RHBDD1: variants seen among roughly 807,000 people sequenced by gnomAD.
RHBDD1 encodes rhomboid domain containing 1.
In RHBDD1, 38 loss-of-function variants were observed where a neutral mutation model predicts 36.3. The ratio of observed to expected loss-of-function variants is 1.05; its 90% CI spans 0.81 to 1.37. The LOEUF (loss-of-function observed/expected upper bound fraction) is 1.37, where lower values mean the gene tolerates loss of function less well. RHBDD1 is among the 40% of genes most tolerant of loss of function. RHBDD1 has a pLI of 0.00. For synonymous variants in RHBDD1, 151 were observed against 136.5 expected, an observed-to-expected ratio of 1.11 and a Z score of -0.74; for missense variants, 393 against 377.6, an observed-to-expected ratio of 1.04 and a Z score of -0.34.
At chr2:226,895,071 G>A (rs1946989487) in intron 5 of RHBDD1, among the ~76,000 whole-genome samples, 1 of 152,230 alleles carries the variant, frequency 6.6e-6, no homozygotes, top group Non-Finnish European at 1.5e-5. Context: ...GCAGACAGAA[G>A]TCCATGAAGA....
At chr2:226,898,740 C>T (rs1947336838) in intron 5 of RHBDD1, among the ~76,000 whole-genome samples, 1 of 152,168 alleles carries the variant, frequency 6.6e-6, no homozygotes, top group Non-Finnish European at 1.5e-5. Flanking sequence ...CATCTCATTG[C>T]TAGTACTGCG....
intron 3 of RHBDD1, among the ~76,000 whole-genome samples, chr2:226,864,052 C>T (rs1003093693): frequency 7.2e-5 from 11 of 151,944 alleles, no homozygotes; most frequent in African/African-American, 1.5e-4. Context: ...GAGTAGGTAA[C>T]GAAAAGCTGA....
intron 5 of RHBDD1, among the ~76,000 whole-genome samples, chr2:226,899,962 C>A (rs1336632267): frequency 6.6e-6 from 1 of 152,180 alleles, no homozygotes; most frequent in Admixed American, 6.5e-5. Flanking sequence ...GATTTGAGTA[C>A]TAGCAAGATG....
Position 226,969,140 on chromosome 2 carries a change from CATG to C in RHBDD1, c.857-26290_857-26288del, listed in dbSNP as rs373271292. 778 of 163,916 alleles carry C rather than the reference CATG, an allele frequency of 4.7e-3. 4 individuals carry two copies. The highest frequency in any genetic ancestry group is 0.02 in the Middle Eastern group (6 of 302). 10.2% of individuals were successfully genotyped at this position (163,916 alleles called of 1,614,324 possible). A position where few individuals can be genotyped will look rare whatever the true frequency, so the allele number is the denominator to read the frequency against. On this transcript the variant is annotated intron_variant, in intron 8 of 8. Transcript: ENST00000392062. The stretch of plus-strand genomic sequence containing the variant: ...TCAGAACACTGAGGTGTTTTATAGT[CATG>C]GTGGTGGTGGCAGTAGCATTGGTGA...
At chr2:226,802,606 T>C in the RHBDD1 span, among the ~76,000 whole-genome samples, 2 of 152,232 alleles carry the variant, frequency 1.3e-5, no homozygotes, top group African/African-American at 4.8e-5. Flanking sequence ...TGGTGTATTG[T>C]AATGAAATAC....
At chr2:226,876,547 C>G (rs1945256751) in intron 5 of RHBDD1, among the ~76,000 whole-genome samples, 1 of 152,162 alleles carries the variant, frequency 6.6e-6, no homozygotes, top group Non-Finnish European at 1.5e-5. Context: ...AACTGAAGCA[C>G]AGAAAGTTAA....
At position 226,995,776 on chromosome 2, in the gene RHBDD1, C is replaced by T. The variant is rs531552732; in HGVS notation, c.*254C>T. 7.9e-4 allele frequency: 380 copies of T among 480,606 alleles called. 3 individuals are homozygous for T. Among genetic ancestry groups the T allele is most frequent in the South Asian group, 3.7e-4 (11 of 29,778 alleles). The allele number at this position is 480,606 out of a possible 1,614,324, so 29.8% of individuals were successfully genotyped here. The stretch of plus-strand genomic sequence containing the variant: ...TCCTCCATGAAGAGACCAGTTTCCA[C>T]GCTCCCATCTCTCACTGCTGACTCA... On this transcript the variant is annotated 3_prime_UTR_variant, in exon 9 of 9. Transcript: ENST00000392062.
In RHBDD1 at chr2:226,997,523, A is replaced by G. The variant is rs1303475847; in HGVS notation, c.*2001A>G. On this transcript the variant is annotated 3_prime_UTR_variant, in exon 9 of 9. Transcript: ENST00000392062. Reference sequence around the variant, plus strand: ...ACTCACTCCCCGTCTCCCCTTTCCAACCCCAAAGGCTCACGATAGGGGCTC... The same window carrying G: ...ACTCACTCCCCGTCTCCCCTTTCCAGCCCCAAAGGCTCACGATAGGGGCTC... 6.6e-6 allele frequency: 1 copy of G among 152,044 alleles called. No homozygotes were observed. The highest frequency in any genetic ancestry group is 1.5e-5 in the Non-Finnish European group (1 of 68,028). The allele number at this position is 152,044 out of a possible 1,614,324, so 9.4% of individuals were successfully genotyped here.
chr2:226,957,460 C>T (rs908648294), intron 8 of RHBDD1, among the ~76,000 whole-genome samples: 9 of 152,112 alleles, frequency 5.9e-5, no homozygotes, highest in Non-Finnish European at 1.2e-4. Context: ...TGGCTCATGA[C>T]GCCTGCAATC....
upstream of RHBDD1, among the ~76,000 whole-genome samples, chr2:226,833,510 C>G (rs919248404): frequency 5.3e-4 from 81 of 152,224 alleles, no homozygotes; most frequent in African/African-American, 1.9e-3. Context: ...ATCTTAAAAA[C>G]ACTCATTTAA....
the RHBDD1 span, among the ~76,000 whole-genome samples, chr2:226,813,474 T>C: frequency 4.9e-4 from 74 of 152,318 alleles, 1 homozygote; most frequent in African/African-American, 1.5e-3. Context: ...TGCAGATTTG[T>C]TGGATGTCCA....
At chr2:226,937,833 A>G (rs919434798) in intron 8 of RHBDD1, among the ~76,000 whole-genome samples, 1 of 152,200 alleles carries the variant, frequency 6.6e-6, no homozygotes, top group African/African-American at 2.4e-5. Flanking sequence ...TTCTTTATCC[A>G]GTCTATCATT....
chr2:226,841,490 C>T (rs766913065), intron 3 of RHBDD1, among the ~76,000 whole-genome samples: 5 of 152,106 alleles, frequency 3.3e-5, no homozygotes, highest in Non-Finnish European at 5.9e-5. Flanking sequence ...TGTGTGGTGG[C>T]TCCCTGCTCT....
At chr2:226,909,043 T>C (rs550796553) in intron 7 of RHBDD1, among the ~76,000 whole-genome samples, 165 bp downstream of exon 7, 13 of 152,208 alleles carry the variant, frequency 8.5e-5, no homozygotes, top group Admixed American at 3.9e-4. Context: ...GAGGGTAGCC[T>C]AGGGAGCATA....
At chr2:226,934,874 T>A (rs974313770) in intron 8 of RHBDD1, among the ~76,000 whole-genome samples, 1 of 143,528 alleles carries the variant, frequency 7.0e-6, no homozygotes, top group East Asian at 2.0e-4. Flanking sequence ...TTTTTTTTTT[T>A]AAATAGCCTG....
At chr2:226,972,929 CAAAA>C (rs11320469) in intron 8 of RHBDD1, among the ~76,000 whole-genome samples, 4 of 127,020 alleles carry the variant, frequency 3.1e-5, no homozygotes, top group Admixed American at 8.0e-5. Context: ...AAGCCTGTAG[CAAAA>C]AAAAAAAAAA....
chr2:226,861,396 C>T (rs187477510), intron 3 of RHBDD1, among the ~76,000 whole-genome samples: 1 of 152,182 alleles, frequency 6.6e-6, no homozygotes, highest in East Asian at 1.9e-4. Flanking sequence ...GACACCTTTT[C>T]ATCCAGCCAG....
At chr2:226,963,580 G>T (rs1952389352) in intron 8 of RHBDD1, among the ~76,000 whole-genome samples, 1 of 152,004 alleles carries the variant, frequency 6.6e-6, no homozygotes, top group South Asian at 2.1e-4. Flanking sequence ...TTACTTTGTG[G>T]TCTTGCTCTT....
At position 226,997,147 on chromosome 2, in the gene RHBDD1, C is replaced by G. The variant is rs916255228; in HGVS notation, c.*1625C>G. 4.7e-4 allele frequency: 72 copies of G among 152,204 alleles called. No individual in the cohort carries two copies. Among genetic ancestry groups the G allele is most frequent in the Admixed American group, 2.2e-3 (34 of 15,278 alleles). The allele number at this position is 152,204 out of a possible 1,614,324, so 9.4% of individuals were successfully genotyped here. A position where few individuals can be genotyped will look rare whatever the true frequency, so the allele number is the denominator to read the frequency against. ...CCTTGGGAGCTCTTTGGCCTCCTGGCTGGCCCAGTAATATCTGAGCTCCTT... is the reference window on the plus strand; with the variant it reads ...CCTTGGGAGCTCTTTGGCCTCCTGGGTGGCCCAGTAATATCTGAGCTCCTT... On this transcript the variant is annotated 3_prime_UTR_variant, in exon 9 of 9. Coordinates refer to ENST00000392062, the MANE Select transcript of RHBDD1 (RefSeq NM_001167608.3).
Sources: gnomAD v4.1 joint callset for allele counts (sites outside exome capture counted in the v4.1 genomes callset) on GRCh38, gnomAD v4.1.1 for gene constraint, MANE v1.5 for transcripts, NCBI Gene and HGNC (gene_info 2026-07-23, HGNC 2026-07-21) for gene names.